The following STPG2 variants were observed in gnomAD, a reference collection of about 807,000 sequenced individuals.
STPG2 encodes the protein sperm tail PG-rich repeat containing 2.
In STPG2, 56 loss-of-function variants were observed where a neutral mutation model predicts 54.2. The observed-to-expected ratio is 1.03, with a 90% CI of 0.83 to 1.29. The LOEUF is 1.29. Ranked by LOEUF, STPG2 falls within the 50% of genes most tolerant of loss-of-function variation. The probability of loss-of-function intolerance (pLI) is 0.00; values close to 1 mark genes in which losing one functional copy is unlikely to be tolerated. For synonymous variants in STPG2, 200 were observed against 181.8 expected, an observed-to-expected ratio of 1.10 and a Z score of -0.81; for missense variants, 596 against 544.9, an observed-to-expected ratio of 1.09 and a Z score of -0.93.
intron 3 of STPG2, 71 bp downstream of exon 3, chr4:98,128,357 G>A (rs1289598940): frequency 6.1e-6 from 8 of 1,320,578 alleles, no homozygotes; most frequent in Non-Finnish European, 6.0e-6. Context: ...AAATAAGCCA[G>A]GAAAAAAAGA....
At chr4:98,038,804 G>A (rs1469018948) in intron 5 of STPG2, among the ~76,000 whole-genome samples, 1 of 152,008 alleles carries the variant, frequency 6.6e-6, no homozygotes, top group Non-Finnish European at 1.5e-5. Flanking sequence ...ATTAGGACTG[G>A]TATCCAGAAT....
intron 5 of STPG2, among the ~76,000 whole-genome samples, 192 bp downstream of exon 5, chr4:98,105,761 C>T (rs1739170506): frequency 6.6e-6 from 1 of 151,940 alleles, no homozygotes; most frequent in Admixed American, 6.6e-5. Flanking sequence ...GTCATGAGTT[C>T]TTTGCAAGAA....
intron 4 of STPG2, among the ~76,000 whole-genome samples, chr4:97,459,705 T>A (rs1187145329): frequency 6.6e-6 from 1 of 152,134 alleles, no homozygotes; most frequent in Non-Finnish European, 1.5e-5. Context: ...CCTCCCAAAG[T>A]GCTGGGATTA....
chr4:97,967,098 T>C (rs538722165), intron 7 of STPG2, among the ~76,000 whole-genome samples: 3 of 150,830 alleles, frequency 2.0e-5, no homozygotes, highest in African/African-American at 4.9e-5. Context: ...ACCAGTGTAC[T>C]GTATTCAGGA....
intron 9 of STPG2, among the ~76,000 whole-genome samples, chr4:97,826,191 G>A (rs1728254050): frequency 6.6e-6 from 1 of 152,164 alleles, no homozygotes; most frequent in African/African-American, 2.4e-5. Context: ...AGAGTTAACA[G>A]TGTAACACGT....
intron 5 of STPG2, among the ~76,000 whole-genome samples, chr4:98,001,461 T>C (rs1578769875): frequency 1.3e-5 from 2 of 152,148 alleles, no homozygotes; most frequent in East Asian, 3.9e-4. Context: ...GTCAGTATAG[T>C]CTTCCTGCTC....
rs746128737 is a variant in STPG2 at position 98,001,491 on chromosome 4, CT to C, written c.613-20174del. 3.9e-5 allele frequency among the ~76,000 whole-genome samples: 6 copies of C among 151,946 alleles called. No individual in the cohort carries two copies. In the East Asian group the frequency reaches 1.2e-3, roughly 29 times the overall value. On this transcript the variant is annotated intron_variant, in intron 5 of 10. Coordinates refer to ENST00000295268, the MANE Select transcript of STPG2 (RefSeq NM_174952.3). ...CTGCTCTTTACAAGTCCAAATTCCTCTTTTTAAAAGGAAAAGAAACATTATC... is the reference window on the plus strand; with the variant it reads ...CTGCTCTTTACAAGTCCAAATTCCTCTTTTAAAAGGAAAAGAAACATTATC...
intron 4 of STPG2, among the ~76,000 whole-genome samples, chr4:97,496,640 CTA>C (rs1378787858): frequency 4.6e-5 from 7 of 151,694 alleles, no homozygotes; most frequent in African/African-American, 1.7e-4. Context: ...CGTGTACCCC[CTA>C]TGTTTGTGTA....
intron 5 of STPG2, among the ~76,000 whole-genome samples, chr4:98,009,442 AG>A (rs1560633419): frequency 6.6e-6 from 1 of 152,070 alleles, no homozygotes; most frequent in Non-Finnish European, 1.5e-5. Context: ...TGATTCAAAA[AG>A]ATACTTAATA....
intron 10 of STPG2, among the ~76,000 whole-genome samples, chr4:97,563,892 GA>G (rs548196524): frequency 6.6e-6 from 1 of 152,118 alleles, no homozygotes; most frequent in Non-Finnish European, 1.5e-5. Context: ...GTGTGGTGCT[GA>G]AAAAAATATA....
intron 8 of STPG2, among the ~76,000 whole-genome samples, chr4:97,885,833 T>C (rs1177308793): frequency 6.6e-6 from 1 of 152,038 alleles, no homozygotes; most frequent in African/African-American, 2.4e-5. Flanking sequence ...AAATCAAAAT[T>C]AGCAAAACTC....
At chr4:97,671,453 A>G (rs1417520621) in intron 10 of STPG2, among the ~76,000 whole-genome samples, 1 of 152,194 alleles carries the variant, frequency 6.6e-6, no homozygotes, top group African/African-American at 2.4e-5. Context: ...CCCAGCAATA[A>G]AACAATAATG....
chr4:97,462,407 T>G (rs1442318801), intron 4 of STPG2, among the ~76,000 whole-genome samples: 1 of 152,040 alleles, frequency 6.6e-6, no homozygotes, highest in Non-Finnish European at 1.5e-5. Flanking sequence ...TCATATAAAT[T>G]TTTAAATCAG....
At chr4:97,980,306 A>C (rs1734631422) in intron 6 of STPG2, among the ~76,000 whole-genome samples, 1 of 152,250 alleles carries the variant, frequency 6.6e-6, no homozygotes, top group South Asian at 2.1e-4. Flanking sequence ...TTTTGTAGCC[A>C]GGGAATTGAT....
At chr4:97,688,846 A>G (rs1392079456) in intron 10 of STPG2, among the ~76,000 whole-genome samples, 1 of 152,178 alleles carries the variant, frequency 6.6e-6, no homozygotes, top group African/African-American at 2.4e-5. Flanking sequence ...TTAAAAAATT[A>G]TTTTCTGGTA....
chr4:98,143,153 T>G lies in STPG2; in HGVS notation c.-3A>C. On this transcript the variant is annotated 5_prime_UTR_variant, in exon 1 of 11. Coordinates refer to ENST00000295268, the MANE Select transcript of STPG2 (RefSeq NM_174952.3). ...AGGCGGGGAGCCCGATCATACATAGTGCTCGGGGTGGTGGGGGCGCTGGGG... is the reference window on the plus strand; with the variant it reads ...AGGCGGGGAGCCCGATCATACATAGGGCTCGGGGTGGTGGGGGCGCTGGGG... The G allele has an allele frequency of 6.2e-7, 1 of 1,610,848 alleles. No individual in the cohort carries two copies. Among genetic ancestry groups the G allele is most frequent in the South Asian group, 1.1e-5 (1 of 90,674 alleles).
intron 5 of STPG2, among the ~76,000 whole-genome samples, chr4:98,044,082 C>G (rs1264293939): frequency 6.6e-6 from 1 of 151,970 alleles, no homozygotes; most frequent in Non-Finnish European, 1.5e-5. Context: ...CTACAATTTA[C>G]CTCTCCTCCC....
chr4:97,726,779 T>C (rs974748775), intron 9 of STPG2, among the ~76,000 whole-genome samples: 1 of 151,542 alleles, frequency 6.6e-6, no homozygotes, highest in Admixed American at 6.6e-5. Flanking sequence ...TGGTACTATG[T>C]GCATATATCA....
chr4:97,689,861 T>A (rs1182264401), intron 10 of STPG2, among the ~76,000 whole-genome samples: 1 of 151,970 alleles, frequency 6.6e-6, no homozygotes, highest in African/African-American at 2.4e-5. Flanking sequence ...ACCTCAAAAT[T>A]TTACAAGCAT....
Sources: allele counts gnomAD v4.1 joint callset (sites outside exome capture counted in the v4.1 genomes callset), GRCh38; gene constraint gnomAD v4.1.1; transcripts MANE v1.5; gene names NCBI Gene and HGNC (gene_info 2026-07-23, HGNC 2026-07-21).